Variants in RABEP1 observed in about 807,000 individuals in gnomAD.
The protein encoded by RABEP1 is rab GTPase-binding effector protein 1.
A neutral mutation model predicts 123.4 loss-of-function variants in RABEP1; 51 were observed. The ratio of observed to expected loss-of-function variants is 0.41; its 90% confidence interval spans 0.33 to 0.52. RABEP1 has a LOEUF of 0.52. Among genes scored for constraint, RABEP1 ranks in the 20% least tolerant of loss-of-function variants. RABEP1 has a pLI of 0.16. For missense variants in RABEP1, 888 were observed against 996.3 expected (o/e 0.89, Z 1.46); for synonymous variants, 347 against 355.2 (o/e 0.98, Z 0.26).
chr17:5,377,216 T>G lies in RABEP1; in HGVS notation c.2126T>G (p.Leu709Arg). Residue 709 changes from leucine (L) to arginine (R), a missense_variant, in exon 14 of 18, where the codon CTA becomes CGA. By Grantham distance (102) the Leu-to-Arg change is moderately radical. Transcript: ENST00000537505. ...AAGCTGAAGGCTGAGATACTTTTCC[T>G]AAAAGAGCAGATCCAAGCAGAACAG... ...EEKLKAEILF[L>R]KEQIQAEQCL... 6.2e-7 allele frequency: 1 copy of G among 1,613,220 alleles called. No homozygotes were observed.
At chr17:5,283,326 G>A (rs2074947163) in intron 1 of RABEP1, among the ~76,000 whole-genome samples, 1 of 151,844 alleles carries the variant, frequency 6.6e-6, no homozygotes, top group Non-Finnish European at 1.5e-5. Context: ...AAGTGAAGTC[G>A]AAGAAATGTG....
chr17:5,372,919 A>G (rs1910636435), intron 12 of RABEP1, among the ~76,000 whole-genome samples: 1 of 152,096 alleles, frequency 6.6e-6, no homozygotes, highest in South Asian at 2.1e-4. Context: ...CGCTGTACCC[A>G]GCTAACTTTC....
rs777111680 is a variant in RABEP1 at position 5,346,930 on chromosome 17, A to G, written c.784+5A>G. 4.5e-6 allele frequency: 7 copies of G among 1,571,494 alleles called. No individual in the cohort carries two copies. The African/African-American group carries it at 9.5e-5, about 21-fold the overall frequency. On this transcript the variant is annotated splice_donor_5th_base_variant and intron_variant, in intron 6 of 17. Transcript: ENST00000537505. ...TGCGGAAAGAATTGCATGAAGGTAA[A>G]TATACTGTATATTTTTATCTTTGTC... is the stretch of plus-strand genomic sequence containing the variant.
At chr17:5,300,905 A>G (rs999378219) in intron 1 of RABEP1, among the ~76,000 whole-genome samples, 1 of 152,218 alleles carries the variant, frequency 6.6e-6, no homozygotes, top group Non-Finnish European at 1.5e-5. Context: ...GCCTGCATCT[A>G]AAAGGGCTTG....
At chr17:5,364,143 T>TA (rs1207576211) in intron 10 of RABEP1, among the ~76,000 whole-genome samples, 1 of 152,242 alleles carries the variant, frequency 6.6e-6, no homozygotes, top group Non-Finnish European at 1.5e-5. Context: ...TTTGCAAAAC[T>TA]AATGTAGTTG....
chr17:5,347,047 CTTGT>C, intron 6 of RABEP1, 122 bp downstream of exon 6: 3 of 876,776 alleles, frequency 3.4e-6, no homozygotes, highest in Non-Finnish European at 4.7e-6. Flanking sequence ...CAATTTAAGC[CTTGT>C]AGTTGGTTTA....
intron 17 of RABEP1, among the ~76,000 whole-genome samples, 192 bp from the exon 18 acceptor site, chr17:5,382,930 C>CA (rs971836974): frequency 9.3e-5 from 14 of 151,202 alleles, no homozygotes; most frequent in African/African-American, 2.2e-4. Context: ...CTCTCCCCCC[C>CA]AAAAAAAAAT....
intron 2 of RABEP1, among the ~76,000 whole-genome samples, chr17:5,328,083 A>C (rs1374306849): frequency 4.6e-5 from 7 of 152,212 alleles, no homozygotes; most frequent in Non-Finnish European, 1.0e-4. Context: ...GCTAAGAAGT[A>C]ACTGCAAAAG....
intron 1 of RABEP1, among the ~76,000 whole-genome samples, chr17:5,286,112 A>G (rs891512341): frequency 9.9e-5 from 15 of 152,228 alleles, no homozygotes; most frequent in African/African-American, 3.6e-4. Flanking sequence ...CATACTTGCC[A>G]ACGATATATG....
chr17:5,321,682 A>T (rs1370331131), intron 2 of RABEP1, among the ~76,000 whole-genome samples: 1 of 152,210 alleles, frequency 6.6e-6, no homozygotes, highest in Non-Finnish European at 1.5e-5. Flanking sequence ...AGAGCTAGTA[A>T]AGGATATTTC....
intron 1 of RABEP1, among the ~76,000 whole-genome samples, chr17:5,298,762 T>C (rs1226923376): frequency 1.3e-5 from 2 of 151,790 alleles, no homozygotes; most frequent in Non-Finnish European, 2.9e-5. Context: ...TTCATGCCTT[T>C]CTCCTGCCTC....
chr17:5,379,353 C>G (rs1175232030), intron 15 of RABEP1, among the ~76,000 whole-genome samples: 1 of 152,222 alleles, frequency 6.6e-6, no homozygotes, highest in Non-Finnish European at 1.5e-5. Context: ...TGTCCCCGCG[C>G]AGTGCCGGGC....
Position 5,372,494 on chromosome 17 carries a change from A to G in RABEP1, c.1885-820A>G, listed in dbSNP as rs142969731. On this transcript the variant is annotated intron_variant, in intron 12 of 17. Coordinates refer to ENST00000537505, the MANE Select transcript of RABEP1 (RefSeq NM_004703.6). Reference sequence around the variant, plus strand: ...CTTCTCAAGTGCTCTGTGATTCCTGAGCTTAGATGCTCTTGATGACTTCCA... The same window carrying G: ...CTTCTCAAGTGCTCTGTGATTCCTGGGCTTAGATGCTCTTGATGACTTCCA... Among the ~76,000 whole-genome samples, 23 of 152,270 alleles carry G rather than the reference A, an allele frequency of 1.5e-4. No homozygotes were observed. The East Asian group carries it at 4.1e-3, about 27-fold the overall frequency.
intron 1 of RABEP1, among the ~76,000 whole-genome samples, chr17:5,292,331 A>AT (rs554016456): frequency 7.0e-4 from 106 of 151,406 alleles, no homozygotes; most frequent in African/African-American, 2.4e-3. Flanking sequence ...TATATTGGCC[A>AT]TTTTTTTGTG....
At chr17:5,338,168 A>T in intron 5 of RABEP1, 30 bp downstream of exon 5, 1 of 1,593,090 alleles carries the variant, frequency 6.3e-7, no homozygotes, top group Non-Finnish European at 8.5e-7. Flanking sequence ...CATTTGCTTG[A>T]AACCCAAGTT....
Position 5,380,586 on chromosome 17 carries a change from G to C in RABEP1, c.2370+124G>C, listed in dbSNP as rs1911372217. On this transcript the variant is annotated intron_variant, in intron 16 of 17. Transcript: ENST00000537505. ...CACCTTTTAAAAAGTTGGCAAAACT[G>C]ACAGCTTGTGAAAAGAAAAAACTTA... 8 of 822,822 alleles carry C rather than the reference G, an allele frequency of 9.7e-6. No individual in the cohort carries two copies. The East Asian group carries it at 2.2e-4, about 23-fold the overall frequency. The allele number at this position is 822,822 out of a possible 1,614,324, so 51.0% of individuals were successfully genotyped here.
chr17:5,357,891 A>G lies in RABEP1; in HGVS notation c.1096-3317A>G, dbSNP rs547682897. ...TTATTGTGGTTTCTTTGGGAAAAGC[A>G]AAGTGGAGCAGAGCAGAGGGTTTAG... On this transcript the variant is annotated intron_variant, in intron 8 of 17. Coordinates refer to ENST00000537505, the MANE Select transcript of RABEP1 (RefSeq NM_004703.6). 3.9e-5 allele frequency among the ~76,000 whole-genome samples: 6 copies of G among 152,328 alleles called. No individual in the cohort carries two copies. The East Asian group carries it at 1.2e-3, about 29-fold the overall frequency.
In RABEP1 at chr17:5,362,901, G is replaced by C; in HGVS notation, c.1564-11G>C. 6.3e-7 allele frequency: 1 copy of C among 1,587,190 alleles called. No homozygotes were observed. Among genetic ancestry groups the C allele is most frequent in the Non-Finnish European group, 8.7e-7 (1 of 1,155,466 alleles). ...TTTTGCCTGATAAGAGGTAATTTTG[G>C]TGCCCTTCAGGTACATAATGCTGGA... On this transcript the variant is annotated splice_polypyrimidine_tract_variant and intron_variant, in intron 9 of 17. Coordinates refer to ENST00000537505, the MANE Select transcript of RABEP1 (RefSeq NM_004703.6).
chr17:5,383,452 T>TA lies in RABEP1; in HGVS notation c.*229_*230insA, dbSNP rs1239120692. ...ATGCGAACACTATAAACTCCAGGCTTGATTCCAACAGGCGTGGGATCAGAT... is the reference window on the plus strand; with the variant it reads ...ATGCGAACACTATAAACTCCAGGCTTAGATTCCAACAGGCGTGGGATCAGAT... On this transcript the variant is annotated 3_prime_UTR_variant, in exon 18 of 18. Transcript: ENST00000537505. 2 of 473,648 alleles carry TA rather than the reference T, an allele frequency of 4.2e-6. No individual in the cohort carries two copies. The highest frequency in any genetic ancestry group is 7.0e-5 in the Admixed American group (2 of 28,754). The allele number at this position is 473,648 out of a possible 1,614,324, so 29.3% of individuals were successfully genotyped here. A position where few individuals can be genotyped will look rare whatever the true frequency, so the allele number is the denominator to read the frequency against.
Sources: allele counts gnomAD v4.1 joint callset (sites outside exome capture counted in the v4.1 genomes callset), GRCh38; gene constraint gnomAD v4.1.1; transcripts MANE v1.5; gene names NCBI Gene and HGNC (gene_info 2026-07-23, HGNC 2026-07-21).